Variants in HS1BP3 observed in about 807,000 individuals in gnomAD.
HS1BP3 encodes the protein HCLS1 binding protein 3, also known as HCLS1-binding protein 3.
In HS1BP3, 32 loss-of-function variants were observed where a neutral mutation model predicts 33.5. That is an observed-to-expected ratio of 0.95 (90% confidence interval 0.72 to 1.28). The LOEUF (loss-of-function observed/expected upper bound fraction) is 1.28. Ranked by LOEUF, HS1BP3 falls within the 50% of genes most tolerant of loss-of-function variation. The pLI is 0.00. For missense variants in HS1BP3, 486 were observed against 502.3 expected (o/e 0.97, Z 0.31); for synonymous variants, 187 against 209.2 (o/e 0.89, Z 0.92).
At chr2:20,644,088 G>A (rs571024128) in intron 2 of HS1BP3, among the ~76,000 whole-genome samples, 1 of 152,132 alleles carries the variant, frequency 6.6e-6, no homozygotes. Context: ...GTACTTCGGG[G>A]TCTAGTTCAT....
At chr2:20,586,977 G>T in intron 5 of HS1BP3, among the ~76,000 whole-genome samples, 1 of 152,332 alleles carries the variant, frequency 6.6e-6, no homozygotes, top group Middle Eastern at 3.4e-3. Context: ...TGGGCTGAGG[G>T]TGGCATATCA....
At chr2:20,628,977 C>T (rs962215097) in intron 4 of HS1BP3, among the ~76,000 whole-genome samples, 1 of 152,078 alleles carries the variant, frequency 6.6e-6, no homozygotes, top group African/African-American at 2.4e-5. Flanking sequence ...GCTCATGGTC[C>T]ATAGAAGAAA....
intron 5 of HS1BP3, among the ~76,000 whole-genome samples, chr2:20,570,038 T>TA: frequency 6.6e-6 from 1 of 152,250 alleles, no homozygotes; most frequent in Non-Finnish European, 1.5e-5. Context: ...ATTGATCCTT[T>TA]ATGCAACGGG....
intron 5 of HS1BP3, among the ~76,000 whole-genome samples, chr2:20,571,360 C>T (rs1012024219): frequency 3.3e-5 from 5 of 152,200 alleles, no homozygotes; most frequent in Admixed American, 2.6e-4. Flanking sequence ...CAGCCTGAGC[C>T]CCGGGGCCAC....
chr2:20,607,431 C>T (rs1006812376), intron 2 of HS1BP3, among the ~76,000 whole-genome samples: 2 of 152,256 alleles, frequency 1.3e-5, no homozygotes, highest in Non-Finnish European at 2.9e-5. Flanking sequence ...GCTGGGATTA[C>T]AGGCATGAGC....
chr2:20,592,250 G>A (rs571950963), downstream of HS1BP3, among the ~76,000 whole-genome samples: 4 of 152,260 alleles, frequency 2.6e-5, no homozygotes, highest in Admixed American at 6.5e-5. Flanking sequence ...GCTTGAACGC[G>A]GGAGGCAGAG....
chr2:20,642,852 C>T (rs1447217425), intron 2 of HS1BP3, among the ~76,000 whole-genome samples: 1 of 152,222 alleles, frequency 6.6e-6, no homozygotes, highest in Non-Finnish European at 1.5e-5. Context: ...GTGCCAGGCA[C>T]TGCTGAGCAC....
intron 3 of HS1BP3, among the ~76,000 whole-genome samples, chr2:20,596,975 G>A (rs1693957398): frequency 1.3e-5 from 2 of 152,178 alleles, no homozygotes; most frequent in African/African-American, 4.8e-5. Context: ...AATGTGTTTA[G>A]GATCCAGCCA....
At chr2:20,633,636 C>T (rs1471459811) in intron 4 of HS1BP3, among the ~76,000 whole-genome samples, 1 of 152,202 alleles carries the variant, frequency 6.6e-6, no homozygotes, top group Non-Finnish European at 1.5e-5. Context: ...GATTCTCCTG[C>T]CTCAGCCTCC....
intron 5 of HS1BP3, among the ~76,000 whole-genome samples, chr2:20,577,090 A>G (rs1274334938): frequency 1.3e-5 from 2 of 152,252 alleles, no homozygotes; most frequent in Non-Finnish European, 2.9e-5. Context: ...GGGTTTTCAG[A>G]GTAAACAAGG....
intron 2 of HS1BP3, among the ~76,000 whole-genome samples, chr2:20,643,679 T>C (rs1695428397): frequency 1.3e-5 from 2 of 152,190 alleles, no homozygotes; most frequent in African/African-American, 2.4e-5. Flanking sequence ...CCCAGCACTT[T>C]GGGAGGCTGA....
rs541182558 is a variant in HS1BP3, at chr2:20,618,156, C to T, written c.*831G>A. ...CCCAGTTTGCTGAGAGCTGCAATGA[C>T]GAACATTGGCTCTGTGCCCAGAGGC... On this transcript the variant is annotated 3_prime_UTR_variant, in exon 7 of 7. Coordinates refer to ENST00000304031, the MANE Select transcript of HS1BP3 (RefSeq NM_022460.4). 4.6e-5 allele frequency: 7 copies of T among 152,396 alleles called. No homozygotes were observed. In the East Asian group the frequency reaches 5.8e-4, roughly 13 times the overall value. The allele number at this position is 152,396 out of a possible 1,614,324, so 9.4% of individuals were successfully genotyped here.
At chr2:20,555,741 C>T (rs1490572304), downstream of HS1BP3, among the ~76,000 whole-genome samples, 1 of 151,658 alleles carries the variant, frequency 6.6e-6, no homozygotes, top group African/African-American at 2.4e-5. Context: ...GAGCTTAGCT[C>T]TTTTCCTTGT....
At position 20,562,048 on chromosome 2, in the gene HS1BP3, T is replaced by C. The variant is rs763923713; in HGVS notation, c.303-1533A>G. Among the ~76,000 whole-genome samples the C allele has an allele frequency of 5.7e-4, 87 of 152,250 alleles. No individual in the cohort carries two copies. The Middle Eastern group carries it at 0.01, about 18-fold the overall frequency. On this transcript the variant is annotated intron_variant, in intron 5 of 5. Coordinates refer to the HS1BP3 transcript ENST00000446825. The stretch of plus-strand genomic sequence containing the variant: ...GACTAGGTTTGGGGAACTTCCGGAT[T>C]GCTAACCACGTGGAGGTGCTGGGAG...
chr2:20,585,255 T>C (rs1458091523), intron 5 of HS1BP3, among the ~76,000 whole-genome samples: 2 of 152,180 alleles, frequency 1.3e-5, no homozygotes, highest in Non-Finnish European at 2.9e-5. Context: ...CTCACATCAC[T>C]GAGGGTTTAT....
intron 4 of HS1BP3, among the ~76,000 whole-genome samples, chr2:20,629,814 G>C (rs555980487): frequency 6.6e-6 from 1 of 152,246 alleles, no homozygotes; most frequent in African/African-American, 2.4e-5. Flanking sequence ...TGCAGCATAC[G>C]GGGTGAGAGG....
chr2:20,563,868 C>G (rs907617961), intron 5 of HS1BP3, among the ~76,000 whole-genome samples: 11 of 152,160 alleles, frequency 7.2e-5, no homozygotes, highest in Non-Finnish European at 1.3e-4. Context: ...CAGGCCCCAC[C>G]CCAGACCTGC....
chr2:20,624,095 TC>T, intron 5 of HS1BP3, 64 bp from the exon 6 acceptor site: 1 of 1,567,746 alleles, frequency 6.4e-7, no homozygotes, highest in Non-Finnish European at 8.6e-7. Flanking sequence ...ATGGCTGCTC[TC>T]TCTCTGCCCC....
intron 2 of HS1BP3, among the ~76,000 whole-genome samples, chr2:20,602,554 A>T (rs75942905): frequency 6.6e-6 from 1 of 152,250 alleles, no homozygotes. Flanking sequence ...AAACCGAAAC[A>T]TCAATAGCTC....
Sources: gnomAD v4.1 joint callset for allele counts (sites outside exome capture counted in the v4.1 genomes callset) on GRCh38, gnomAD v4.1.1 for gene constraint, MANE v1.5 for transcripts, NCBI Gene and HGNC (gene_info 2026-07-23, HGNC 2026-07-21) for gene names.